ORC3: variants seen among roughly 807,000 people sequenced by gnomAD.
ORC3 encodes the protein homolog of latheo, Drosophila.
ORC3 carries 78 observed loss-of-function variants against 100.7 expected under a neutral mutation model. The ratio of observed to expected loss-of-function variants is 0.77; its 90% confidence interval spans 0.65 to 0.94. The LOEUF (loss-of-function observed/expected upper bound fraction) is 0.94, where lower values mean the gene tolerates loss of function less well. Among genes scored for constraint, ORC3 ranks in the 40% least tolerant of loss-of-function variants. The pLI, the probability that ORC3 is intolerant of heterozygous loss-of-function variation, is 0.00. For missense variants in ORC3, 789 were observed against 823.9 expected, an observed-to-expected ratio of 0.96 and a Z score of 0.52; for synonymous variants, 295 against 289.3, an observed-to-expected ratio of 1.02 and a Z score of -0.20.
chr6:87,638,716 CAG>C (rs557880759), intron 13 of ORC3, among the ~76,000 whole-genome samples: 17 of 152,284 alleles, frequency 1.1e-4, no homozygotes, highest in African/African-American at 3.6e-4. Flanking sequence ...TGCAGCAAAA[CAG>C]AGGCACACCA....
chr6:87,651,244 C>T (rs542119461), intron 13 of ORC3: 112 of 456,298 alleles, frequency 2.5e-4, no homozygotes, highest in African/African-American at 2.1e-3. Flanking sequence ...CTGCCCCTAT[C>T]CTGGGAAGCT....
intron 11 of ORC3, among the ~76,000 whole-genome samples, chr6:87,624,300 A>G (rs1779736769): frequency 6.6e-6 from 1 of 152,140 alleles, no homozygotes; most frequent in Non-Finnish European, 1.5e-5. Flanking sequence ...CCTGGCCAAT[A>G]TGGTGAAACC....
At chr6:87,660,265 A>T (rs1770081582) in intron 16 of ORC3, among the ~76,000 whole-genome samples, 1 of 152,236 alleles carries the variant, frequency 6.6e-6, no homozygotes. Context: ...AAAATCTTCC[A>T]TACTAGGATT....
chr6:87,633,481 TA>T (rs1163965970), intron 11 of ORC3, among the ~76,000 whole-genome samples: 1 of 152,248 alleles, frequency 6.6e-6, no homozygotes, highest in Non-Finnish European at 1.5e-5. Flanking sequence ...ATTTAGGTGC[TA>T]AAAACTTTTC....
intron 12 of ORC3, among the ~76,000 whole-genome samples, chr6:87,635,430 A>G (rs1222229651): frequency 6.6e-6 from 1 of 152,196 alleles, no homozygotes; most frequent in Non-Finnish European, 1.5e-5. Context: ...TGTAGAGTAG[A>G]TTTTAGCAGA....
chr6:87,630,735 A>C (rs942866582), intron 11 of ORC3, among the ~76,000 whole-genome samples: 1 of 152,228 alleles, frequency 6.6e-6, no homozygotes, highest in Non-Finnish European at 1.5e-5. Flanking sequence ...AATTTTGAGT[A>C]AAGACCTAAA....
chr6:87,668,175 A>G (rs572929229), downstream of ORC3, among the ~76,000 whole-genome samples: 1 of 152,260 alleles, frequency 6.6e-6, no homozygotes, highest in African/African-American at 2.4e-5. Flanking sequence ...GAATTATGGG[A>G]CTTTAAGGCT....
chr6:87,632,804 C>T (rs1261112002), intron 11 of ORC3, among the ~76,000 whole-genome samples: 1 of 152,134 alleles, frequency 6.6e-6, no homozygotes, highest in Non-Finnish European at 1.5e-5. Context: ...GTGGAGGTTG[C>T]AGTGAGCAGA....
intron 3 of ORC3, among the ~76,000 whole-genome samples, chr6:87,602,968 T>TATATATATATATATATATATATATATAG (rs1778065778): frequency 1.7e-5 from 1 of 57,178 alleles, no homozygotes; most frequent in South Asian, 5.5e-4. Context: ...TATATATATA[T>TATATATATATATATATATATATATATAG]ATACATATAT....
At chr6:87,614,248 G>T (rs552359074) in intron 8 of ORC3, among the ~76,000 whole-genome samples, 1 of 152,214 alleles carries the variant, frequency 6.6e-6, no homozygotes, top group Non-Finnish European at 1.5e-5. Context: ...CGAACTTTGT[G>T]TTGGCCCTTT....
chr6:87,591,226 C>T (rs1776890547), intron 1 of ORC3, among the ~76,000 whole-genome samples: 1 of 152,136 alleles, frequency 6.6e-6, no homozygotes, highest in Non-Finnish European at 1.5e-5. Flanking sequence ...AAAAGTAAGA[C>T]CTTGAGTTCT....
chr6:87,611,524 C>T (rs536934548), intron 7 of ORC3, among the ~76,000 whole-genome samples: 7 of 152,208 alleles, frequency 4.6e-5, no homozygotes, highest in Non-Finnish European at 7.4e-5. Context: ...TGGTGGCTCA[C>T]GCCTGTAATC....
At chr6:87,646,801 C>G (rs1220383508) in intron 13 of ORC3, among the ~76,000 whole-genome samples, 1 of 152,242 alleles carries the variant, frequency 6.6e-6, no homozygotes, top group Non-Finnish European at 1.5e-5. Context: ...TACCTCTCTC[C>G]TGAGTGCCAG....
At position 87,644,594 on chromosome 6, in the gene ORC3, G is replaced by C. The variant is rs1212571634; in HGVS notation, c.1382+8108G>C. The stretch of plus-strand genomic sequence containing the variant: ...CACACGCCTATAGTCCCAGCTACGA[G>C]GGAGGCTGAGGCAGGAGAATTGCTT... On this transcript the variant is annotated intron_variant, in intron 13 of 19. Coordinates refer to ENST00000392844, the MANE Select transcript of ORC3 (RefSeq NM_012381.4). Among the ~76,000 whole-genome samples, 3 of 151,922 alleles carry C rather than the reference G, an allele frequency of 2.0e-5. No individual in the cohort carries two copies. In the East Asian group the frequency reaches 5.9e-4, roughly 30 times the overall value.
At chr6:87,621,224 CATT>C (rs1467056476) in intron 9 of ORC3, 127 bp from the exon 10 acceptor site, 2 of 532,566 alleles carry the variant, frequency 3.8e-6, no homozygotes, top group Non-Finnish European at 6.2e-6. Flanking sequence ...GTTATTGTGA[CATT>C]ATTAAATATA....
intron 13 of ORC3, among the ~76,000 whole-genome samples, chr6:87,648,217 A>G (rs534184390): frequency 6.6e-6 from 1 of 152,216 alleles, no homozygotes; most frequent in African/African-American, 2.4e-5. Context: ...AAACAAAACA[A>G]AACAAAACAA....
intron 11 of ORC3, among the ~76,000 whole-genome samples, chr6:87,628,406 G>A (rs1235786228): frequency 6.6e-6 from 1 of 152,210 alleles, no homozygotes; most frequent in African/African-American, 2.4e-5. Flanking sequence ...TCCTACTAAG[G>A]AGGGACATTA....
At position 87,601,869 on chromosome 6, in the gene ORC3, A is replaced by C. The variant is rs200996438; in HGVS notation, c.165A>C (p.Lys55Asn). ...ATCAGTTGATATGGCAGCAGATGAAATCTGAAAATGAGGTGAATACTTTTT... is the reference window on the plus strand; with the variant it reads ...ATCAGTTGATATGGCAGCAGATGAACTCTGAAAATGAGGTGAATACTTTTT... ...ETYQLIWQQM[K>N]SENERLQEEL... Residue 55 changes from lysine (K) to asparagine (N), a missense_variant, in exon 3 of 20, where the codon AAA (lysine) becomes AAC (asparagine). Physicochemically the swap from Lys to Asn is moderately conservative, Grantham distance 94. Around this residue, in one of 3 missense-constraint regions of ORC3, gnomAD observed 399 missense variants for 382.0 expected, o/e 1.04. Transcript: ENST00000392844. The C allele has an allele frequency of 1.0e-4, 161 of 1,594,010 alleles. No individual in the cohort carries two copies. Among genetic ancestry groups the C allele is most frequent in the South Asian group, 1.5e-4 (14 of 90,630 alleles).
rs1369456470 is a variant in ORC3, at chr6:87,594,366, T to C, written c.38T>C (p.Phe13Ser). Residue 13 changes from phenylalanine (F) to serine (S), a missense_variant, in exon 2 of 20, where the codon TTT becomes TCT. Physicochemically the swap from Phe to Ser is radical, Grantham distance 155. Coordinates refer to ENST00000392844, the MANE Select transcript of ORC3 (RefSeq NM_012381.4). Reference sequence around the variant, plus strand: ...TTCTTTTTATAGGGTTGCTTTGTTTTTAAGCCAAACTCCAAAAAGAGAAAG... The same window carrying C: ...TTCTTTTTATAGGGTTGCTTTGTTTCTAAGCCAAACTCCAAAAAGAGAAAG... ...TSSMSKGCFV[F>S]KPNSKKRKIS... 1 of 1,585,898 alleles carries C rather than the reference T, an allele frequency of 6.3e-7. No homozygotes were observed. The highest frequency in any genetic ancestry group is 2.2e-5 in the East Asian group (1 of 44,628).
Sources: gnomAD v4.1 joint callset for allele counts (sites outside exome capture counted in the v4.1 genomes callset) on GRCh38, gnomAD v4.1.1 for gene constraint, gnomAD v4.1.1 regional missense constraint, MANE v1.5 for transcripts, NCBI Gene and HGNC (gene_info 2026-07-23, HGNC 2026-07-21) for gene names.